The following LINGO2 variants were observed in gnomAD, a reference collection of about 807,000 sequenced individuals.
LINGO2 encodes the protein leucine-rich repeat and immunoglobulin-like domain-containing nogo receptor-interacting protein 2.
In LINGO2, 14 loss-of-function variants were observed where a neutral mutation model predicts 30.6. The ratio of observed to expected loss-of-function variants is 0.46; its 90% confidence interval spans 0.30 to 0.72. The LOEUF is 0.72. LINGO2 is among the 30% of genes least tolerant of loss of function. LINGO2 has a pLI of 0.07. For synonymous variants in LINGO2, 317 were observed against 288.5 expected (o/e 1.10, Z -1.00); for missense variants, 729 against 751.7 (o/e 0.97, Z 0.35).
chr9:28,980,942 G>C, the LINGO2 span, among the ~76,000 whole-genome samples: 1 of 152,060 alleles, frequency 6.6e-6, no homozygotes, highest in South Asian at 2.1e-4. Context: ...GCATATACTG[G>C]ATGATCAATA....
At chr9:29,171,281 G>A in the LINGO2 span, among the ~76,000 whole-genome samples, 1 of 152,028 alleles carries the variant, frequency 6.6e-6, no homozygotes, top group Non-Finnish European at 1.5e-5. Flanking sequence ...AACCAACTGA[G>A]GGCATGTTTT....
chr9:28,042,881 T>C (rs1391640523), intron 4 of LINGO2, among the ~76,000 whole-genome samples: 1 of 152,196 alleles, frequency 6.6e-6, no homozygotes, highest in East Asian at 1.9e-4. Flanking sequence ...TAATGAAACA[T>C]TGCCACTTTG....
chr9:28,106,684 A>T (rs1014137341), intron 4 of LINGO2, among the ~76,000 whole-genome samples: 2 of 152,118 alleles, frequency 1.3e-5, no homozygotes, highest in African/African-American at 4.8e-5. Context: ...GAAGTACCAC[A>T]GTGTTTTAAA....
chr9:28,242,696 G>A (rs2133978926), intron 4 of LINGO2, among the ~76,000 whole-genome samples: 1 of 152,140 alleles, frequency 6.6e-6, no homozygotes, highest in African/African-American at 2.4e-5. Flanking sequence ...GTTGAAATGA[G>A]GAAAAAATGT....
chr9:28,412,199 A>AAC (rs1822796354), intron 2 of LINGO2, among the ~76,000 whole-genome samples: 8 of 147,638 alleles, frequency 5.4e-5, no homozygotes, highest in Admixed American at 2.7e-4. Flanking sequence ...AAAAAAAAAA[A>AAC]AAAAAACCTT....
At chr9:27,942,894 T>G in the LINGO2 span, 1 of 152,046 alleles carries the variant, frequency 6.6e-6, no homozygotes, top group South Asian at 2.1e-4. Flanking sequence ...AACTGTCTTG[T>G]TATGAAGCAA....
intron 2 of LINGO2, among the ~76,000 whole-genome samples, chr9:28,449,472 G>C (rs1824562743): frequency 6.6e-6 from 1 of 151,992 alleles, no homozygotes; most frequent in Non-Finnish European, 1.5e-5. Context: ...TTGGCCTGTT[G>C]CCAATGCTCT....
At chr9:28,851,602 C>T in the LINGO2 span, among the ~76,000 whole-genome samples, 2 of 152,014 alleles carry the variant, frequency 1.3e-5, no homozygotes, top group Non-Finnish European at 2.9e-5. Flanking sequence ...TGCCTATCAC[C>T]TTGAGTTTAA....
the LINGO2 span, among the ~76,000 whole-genome samples, chr9:29,053,036 G>A: frequency 6.6e-6 from 1 of 152,040 alleles, no homozygotes; most frequent in Non-Finnish European, 1.5e-5. Flanking sequence ...ATCTGTATGA[G>A]TTTTTATTTC....
chr9:28,064,985 G>A (rs1010783742), intron 4 of LINGO2, among the ~76,000 whole-genome samples: 1 of 150,742 alleles, frequency 6.6e-6, no homozygotes. Flanking sequence ...GCCCTAGAAA[G>A]AGACTTACAA....
At chr9:28,019,746 A>ATG (rs1823022155) in intron 4 of LINGO2, among the ~76,000 whole-genome samples, 1 of 152,140 alleles carries the variant, frequency 6.6e-6, no homozygotes, top group South Asian at 2.1e-4. Context: ...TCTAAAAATA[A>ATG]TGTATATATA....
chr9:28,082,461 A>ACAATT (rs1432876892), intron 4 of LINGO2, among the ~76,000 whole-genome samples: 2 of 145,228 alleles, frequency 1.4e-5, no homozygotes, highest in Non-Finnish European at 3.1e-5. Flanking sequence ...ACATCTTAAT[A>ACAATT]CAATTTTTTT....
In LINGO2 at chr9:28,274,322, G is replaced by A. The variant is rs150166814; in HGVS notation, c.-87+20886C>T. The stretch of plus-strand genomic sequence containing the variant: ...TAGTAATTTTAAAAAAGTAACCCAG[G>A]TCCACTTATGAGCACATATTTTTTT... On this transcript the variant is annotated intron_variant, in intron 4 of 5. Coordinates refer to ENST00000379992, the Ensembl canonical transcript of LINGO2. 5.5e-4 allele frequency among the ~76,000 whole-genome samples: 83 copies of A among 151,990 alleles called. 1 individual carries two copies. In the East Asian group the frequency reaches 0.014, roughly 25 times the overall value.
chr9:28,845,475 T>C, the LINGO2 span, among the ~76,000 whole-genome samples: 1 of 151,156 alleles, frequency 6.6e-6, no homozygotes, highest in Non-Finnish European at 1.5e-5. Context: ...AAAACAGTTA[T>C]ACATTGTATG....
the LINGO2 span, among the ~76,000 whole-genome samples, chr9:28,732,165 A>G: frequency 2.0e-5 from 3 of 152,092 alleles, no homozygotes; most frequent in African/African-American, 7.2e-5. Flanking sequence ...TTAAGTGGTG[A>G]AAAAAAGTCT....
intron 4 of LINGO2, among the ~76,000 whole-genome samples, chr9:28,241,617 G>A (rs923742619): frequency 2.6e-5 from 4 of 152,050 alleles, no homozygotes; most frequent in South Asian, 2.1e-4. Context: ...CATCACCAAG[G>A]GACAGCCAAA....
intron 5 of LINGO2, among the ~76,000 whole-genome samples, chr9:27,954,799 T>A (rs1259009983): frequency 6.6e-6 from 1 of 152,192 alleles, no homozygotes; most frequent in Non-Finnish European, 1.5e-5. Flanking sequence ...GAGAGTTCTA[T>A]TTTTAGTTTT....
At chr9:29,112,878 T>C in the LINGO2 span, among the ~76,000 whole-genome samples, 1 of 152,228 alleles carries the variant, frequency 6.6e-6, no homozygotes, top group Admixed American at 6.5e-5. Flanking sequence ...AATCTTTCTA[T>C]GTATTAACCC....
the LINGO2 span, among the ~76,000 whole-genome samples, chr9:29,191,412 T>C: frequency 6.6e-6 from 1 of 152,168 alleles, no homozygotes; most frequent in East Asian, 1.9e-4. Context: ...GATTTTCTTA[T>C]TTTAGTCATA....
Sources: gnomAD v4.1 joint callset for allele counts (sites outside exome capture counted in the v4.1 genomes callset) on GRCh38, gnomAD v4.1.1 for gene constraint, MANE v1.5 for transcripts, NCBI Gene and HGNC (gene_info 2026-07-23, HGNC 2026-07-21) for gene names.